The following DEFB119 variants were observed in gnomAD, a reference collection of about 807,000 sequenced individuals.
DEFB119 encodes defensin beta 119, also known as beta-defensin 119.
Under a neutral mutation model 2.5 loss-of-function variants are expected in DEFB119, and 3 were observed. The ratio of observed to expected loss-of-function variants is 1.19; its 90% CI spans 0.54 to 3.07. The LOEUF (loss-of-function observed/expected upper bound fraction) is 3.07. DEFB119 is among the 30% of genes most tolerant of loss of function. The pLI is 0.03. For synonymous variants in DEFB119, 29 were observed against 33.7 expected (o/e 0.86, Z 0.48); for missense variants, 113 against 101.1 (o/e 1.12, Z -0.50).
Position 31,390,445 on chromosome 20 carries a change from G to C in DEFB119, c.39C>G (p.Ala13=), listed in dbSNP as rs530710742. Residue 13 remains alanine (A), a synonymous_variant, in exon 1 of 2, where the codon GCC becomes GCG. Transcript: ENST00000376321. ...TACCTGATATCACTGGTTCTTCTATGGCCAGAAGGATGGCAAGAAACAGGT... is the reference window on the plus strand; with the variant it reads ...TACCTGATATCACTGGTTCTTCTATCGCCAGAAGGATGGCAAGAAACAGGT... The part of the protein sequence containing the change: ...LLYLFLAILL[A]IEEPVISGKR... 7 of 1,612,940 alleles carry C rather than the reference G, an allele frequency of 4.3e-6. 1 individual carries two copies. The Admixed American group carries it at 1.2e-4, about 27-fold the overall frequency.
At chr20:31,383,774 C>T (rs1186140679) in intron 1 of DEFB119, among the ~76,000 whole-genome samples, 2 of 151,046 alleles carry the variant, frequency 1.3e-5, no homozygotes, top group African/African-American at 2.4e-5. Flanking sequence ...ACCCGGGAGG[C>T]GGAGCTTGCA....
upstream of DEFB119, chr20:31,390,628 C>G (rs533219008): frequency 8.4e-6 from 6 of 711,838 alleles, no homozygotes; most frequent in Non-Finnish European, 1.4e-5. Flanking sequence ...ATGAGGTCAT[C>G]CAGGCCAAAG....
intron 1 of DEFB119, among the ~76,000 whole-genome samples, chr20:31,390,094 ATCACAAC>A (rs1158494752): frequency 6.6e-6 from 1 of 151,748 alleles, no homozygotes; most frequent in Non-Finnish European, 1.5e-5. Context: ...TTTCCTCCAC[ATCACAAC>A]TCACCCCAGC....
chr20:31,385,374 C>CAAAAA (rs539118665), intron 1 of DEFB119, among the ~76,000 whole-genome samples: 3 of 115,802 alleles, frequency 2.6e-5, no homozygotes, highest in African/African-American at 6.7e-5. Flanking sequence ...TAACAAAAGA[C>CAAAAA]AAAAAAAAAA....
chr20:31,380,337 C>A (rs1986461567), intron 1 of DEFB119, among the ~76,000 whole-genome samples: 4 of 152,226 alleles, frequency 2.6e-5, no homozygotes, highest in African/African-American at 9.6e-5. Flanking sequence ...ACAATCATAG[C>A]TCACTATAAC....
intron 1 of DEFB119, among the ~76,000 whole-genome samples, chr20:31,382,804 T>A (rs541770368): frequency 1.3e-4 from 20 of 152,338 alleles, no homozygotes; most frequent in Non-Finnish European, 2.8e-4. Context: ...CAGATGTAAA[T>A]AAAACATCAT....
chr20:31,377,504 G>T, intron 1 of DEFB119, 65 bp from the exon 2 acceptor site: 1 of 1,527,156 alleles, frequency 6.5e-7, no homozygotes, highest in South Asian at 1.3e-5. Flanking sequence ...TGATAAGTCG[G>T]GAAGCATCAT....
intron 1 of DEFB119, chr20:31,388,930 T>G: frequency 6.1e-6 from 9 of 1,480,204 alleles, no homozygotes; most frequent in Admixed American, 2.0e-5. Context: ...CTCAATCCAT[T>G]TGAAGTATCA....
chr20:31,386,863 G>C lies in DEFB119; in HGVS notation c.61+3560C>G, dbSNP rs556339629. Among the ~76,000 whole-genome samples, 663 of 137,812 alleles carry C rather than the reference G, an allele frequency of 4.8e-3. 2 individuals are homozygous for C. Among genetic ancestry groups the C allele is most frequent in the Middle Eastern group, 0.021 (4 of 190 alleles). 90.4% of individuals were successfully genotyped at this position (137,812 alleles called of 152,430 possible). A position where few individuals can be genotyped will look rare whatever the true frequency, so the allele number is the denominator to read the frequency against. Reference sequence around the variant, plus strand: ...GAGTCTCGCTCTGTCGCCCAGGCTGGAGTGCAGTGGCGGGATCTCGGCTCA... The same window carrying C: ...GAGTCTCGCTCTGTCGCCCAGGCTGCAGTGCAGTGGCGGGATCTCGGCTCA... On this transcript the variant is annotated intron_variant, in intron 1 of 1. Transcript: ENST00000376321.
chr20:31,388,475 T>C (rs1238910456), intron 1 of DEFB119: 1 of 194,874 alleles, frequency 5.1e-6, no homozygotes, highest in East Asian at 1.8e-4. Flanking sequence ...TATGAATGAA[T>C]GAATCGGTGA....
At chr20:31,383,918 C>T (rs1435686804) in intron 1 of DEFB119, among the ~76,000 whole-genome samples, 1 of 152,166 alleles carries the variant, frequency 6.6e-6, no homozygotes, top group Non-Finnish European at 1.5e-5. Context: ...CTCCCGCACA[C>T]ACTCTTTTGC....
chr20:31,378,314 G>A, intron 1 of DEFB119: 1 of 1,614,082 alleles, frequency 6.2e-7, no homozygotes, highest in Non-Finnish European at 8.5e-7. Flanking sequence ...TCCCAACCAA[G>A]GCAGTACCAG....
At chr20:31,389,267 G>T (rs773299337) in intron 1 of DEFB119, 2 of 1,613,082 alleles carry the variant, frequency 1.2e-6, no homozygotes, top group African/African-American at 2.7e-5. Context: ...GCAGATGTTA[G>T]TATCCCTCAA....
At chr20:31,389,199 C>A (rs1986830042) in intron 1 of DEFB119, 1 of 1,614,166 alleles carries the variant, frequency 6.2e-7, no homozygotes, top group Non-Finnish European at 8.5e-7. Flanking sequence ...CTTTGCACAA[C>A]AACCGGCAGT....
intron 1 of DEFB119, among the ~76,000 whole-genome samples, chr20:31,383,533 TAA>T (rs34549958): frequency 1.8e-5 from 1 of 55,412 alleles, no homozygotes. Flanking sequence ...GACTCTGTCT[TAA>T]AAAAAAAAAA....
chr20:31,388,999 C>A, intron 1 of DEFB119: 1 of 1,612,856 alleles, frequency 6.2e-7, no homozygotes, highest in Non-Finnish European at 8.5e-7. Context: ...AATGTGGACC[C>A]TAAGCAACCT....
At chr20:31,380,076 C>T (rs1344390710) in intron 1 of DEFB119, among the ~76,000 whole-genome samples, 4 of 152,180 alleles carry the variant, frequency 2.6e-5, no homozygotes, top group South Asian at 2.1e-4. Context: ...CAACCATCCT[C>T]TTCACAGGGT....
At chr20:31,380,343 A>G (rs887225880) in intron 1 of DEFB119, among the ~76,000 whole-genome samples, 1 of 152,116 alleles carries the variant, frequency 6.6e-6, no homozygotes, top group Non-Finnish European at 1.5e-5. Context: ...ATAGCTCACT[A>G]TAACCTCAAA....
rs528619427 is a variant in DEFB119, at chr20:31,382,420, C to T, written c.62-4981G>A. Among the ~76,000 whole-genome samples, 9 of 152,054 alleles carry T rather than the reference C, an allele frequency of 5.9e-5. No individual in the cohort carries two copies. The South Asian group carries it at 1.5e-3, about 25-fold the overall frequency. ...TTTTTCTCATATGTATAGTATAGAC[C>T]GGAAAAATATCTAACCCCTAGAATT... On this transcript the variant is annotated intron_variant, in intron 1 of 1. Coordinates refer to ENST00000376321, the MANE Select transcript of DEFB119 (RefSeq NM_153289.4).
Sources: gnomAD v4.1 joint callset for allele counts (sites outside exome capture counted in the v4.1 genomes callset) on GRCh38, gnomAD v4.1.1 for gene constraint, MANE v1.5 for transcripts, NCBI Gene and HGNC (gene_info 2026-07-23, HGNC 2026-07-21) for gene names.